MEGF6: variants seen among roughly 807,000 people sequenced by gnomAD.
The protein encoded by MEGF6 is multiple EGF like domains 6.
A neutral mutation model predicts 207.1 loss-of-function variants in MEGF6; 184 were observed. The ratio of observed to expected loss-of-function variants is 0.89; its 90% CI spans 0.79 to 1.00. The LOEUF (loss-of-function observed/expected upper bound fraction) is 1.00. Among genes scored for constraint, MEGF6 ranks in the 50% least tolerant of loss-of-function variants. The probability of loss-of-function intolerance (pLI) is 0.00; values close to 1 mark genes in which losing one functional copy is unlikely to be tolerated. For missense variants in MEGF6, 2,282 were observed against 2,202.9 expected, an observed-to-expected ratio of 1.04 and a Z score of -0.72; for synonymous variants, 1,038 against 910.0, an observed-to-expected ratio of 1.14 and a Z score of -2.53.
At chr1:3,591,743 G>A (rs61762204) in intron 3 of MEGF6, among the ~76,000 whole-genome samples, 14 of 143,566 alleles carry the variant, frequency 9.8e-5, no homozygotes, top group East Asian at 2.2e-4. Context: ...TGGGGGCGCC[G>A]GCAAGGGGGC....
chr1:3,547,391 T>C (rs1234262751), intron 4 of MEGF6, among the ~76,000 whole-genome samples: 2 of 152,142 alleles, frequency 1.3e-5, no homozygotes, highest in Admixed American at 1.3e-4. Flanking sequence ...GGAGCAACAT[T>C]TGGGTATAGC....
chr1:3,514,890 A>G (rs965410941), intron 6 of MEGF6, among the ~76,000 whole-genome samples: 1 of 152,158 alleles, frequency 6.6e-6, no homozygotes, highest in Non-Finnish European at 1.5e-5. Context: ...CAGCCAGCCC[A>G]GGTCAGGCAG....
In MEGF6 at chr1:3,498,435, C is replaced by T. The variant is rs572746696; in HGVS notation, c.3288G>A (p.Leu1096=). 3.8e-6 allele frequency: 6 copies of T among 1,581,916 alleles called. No individual in the cohort carries two copies. The highest frequency in any genetic ancestry group is 1.7e-5 in the Admixed American group (1 of 57,594). Residue 1096 remains leucine (L), a synonymous_variant, in exon 26 of 37, where the codon CTG becomes CTA. Transcript: ENST00000356575. ...GGCAGCGGCCCGTGTGCGGGTCACA[C>T]AGGCCCCCGTTGAGGCAACCGCCGC... ...RHSGGCLNGG[L]CDPHTGRCLC... is the part of the protein sequence containing the mutation.
chr1:3,553,784 C>G (rs1420469305), intron 4 of MEGF6, among the ~76,000 whole-genome samples: 1 of 152,184 alleles, frequency 6.6e-6, no homozygotes, highest in Non-Finnish European at 1.5e-5. Context: ...TCACAGGGGG[C>G]CCTGCACTGG....
chr1:3,611,079 TC>T, intron 1 of MEGF6, 58 bp downstream of exon 1: 1 of 1,413,920 alleles, frequency 7.1e-7, no homozygotes, highest in Non-Finnish European at 9.2e-7. Flanking sequence ...ACCACGGGCC[TC>T]CAGAGGCCCC....
chr1:3,611,622 C>A (rs1454683839), upstream of MEGF6: 2 of 158,504 alleles, frequency 1.3e-5, no homozygotes, highest in Non-Finnish European at 2.5e-5. Flanking sequence ...CCCGCCCCTT[C>A]CCCCTCCCCA....
At position 3,508,695 on chromosome 1, in the gene MEGF6, G is replaced by T; in HGVS notation, c.1529-6C>A. On this transcript the variant is annotated splice_polypyrimidine_tract_variant and splice_region_variant and intron_variant, in intron 12 of 36. Coordinates refer to ENST00000356575, the MANE Select transcript of MEGF6 (RefSeq NM_001409.4). ...AAAGGAGTCATCCAGGCAGACTGGGGGCAGACCAGGATGGGGGGATTCAGA... is the reference window on the plus strand; with the variant it reads ...AAAGGAGTCATCCAGGCAGACTGGGTGCAGACCAGGATGGGGGGATTCAGA... The T allele has an allele frequency of 6.2e-7, 1 of 1,612,788 alleles. No individual in the cohort carries two copies. Among genetic ancestry groups the T allele is most frequent in the Non-Finnish European group, 8.5e-7 (1 of 1,179,724 alleles).
chr1:3,542,394 G>A (rs940846250), intron 4 of MEGF6, among the ~76,000 whole-genome samples: 3 of 152,344 alleles, frequency 2.0e-5, no homozygotes, highest in African/African-American at 4.8e-5. Flanking sequence ...ACTCCAACCC[G>A]GCTGGCAGTG....
At chr1:3,585,632 TGG>T in intron 3 of MEGF6, among the ~76,000 whole-genome samples, 1 of 142,418 alleles carries the variant, frequency 7.0e-6, no homozygotes, top group African/African-American at 2.7e-5. Flanking sequence ...GTCCTGTGTG[TGG>T]GTGTGTGGAC....
At chr1:3,575,140 A>G (rs1003248236) in intron 4 of MEGF6, among the ~76,000 whole-genome samples, 2 of 152,178 alleles carry the variant, frequency 1.3e-5, no homozygotes, top group Admixed American at 6.5e-5. Context: ...TGGTCTTTTC[A>G]TTACCAATTC....
chr1:3,496,075 A>G, intron 29 of MEGF6, 57 bp from the exon 30 acceptor site: 1 of 1,461,052 alleles, frequency 6.8e-7, no homozygotes, highest in South Asian at 1.4e-5. Flanking sequence ...TGCCCGGTCA[A>G]CCCCGGAGTG....
chr1:3,564,886 G>A (rs1036221221), intron 4 of MEGF6, among the ~76,000 whole-genome samples: 2 of 152,058 alleles, frequency 1.3e-5, no homozygotes, highest in Non-Finnish European at 1.5e-5. Context: ...CCACGGTCCC[G>A]CTCTGGCCGA....
intron 5 of MEGF6, among the ~76,000 whole-genome samples, chr1:3,518,876 C>A (rs1048935956): frequency 6.6e-6 from 1 of 152,204 alleles, no homozygotes; most frequent in African/African-American, 2.4e-5. Context: ...CCCCTCCAGG[C>A]GGGCCTGCCC....
Position 3,504,075 on chromosome 1 carries a change from G to A in MEGF6, c.2188+1133C>T, listed in dbSNP as rs189220436. Among the ~76,000 whole-genome samples the A allele has an allele frequency of 7.0e-4, 106 of 152,212 alleles. 1 individual carries two copies. The highest frequency in any genetic ancestry group is 2.5e-3 in the African/African-American group (103 of 41,532). The stretch of plus-strand genomic sequence containing the variant: ...GGAGGGGAAGGGCCCATGCTGGGGG[G>A]GCTTGAGTCCAGAGAGCCCCCTGGT... On this transcript the variant is annotated intron_variant, in intron 17 of 36. Coordinates refer to ENST00000356575, the MANE Select transcript of MEGF6 (RefSeq NM_001409.4).
chr1:3,607,206 G>T (rs1644262016), intron 1 of MEGF6, among the ~76,000 whole-genome samples: 2 of 150,966 alleles, frequency 1.3e-5, no homozygotes, highest in African/African-American at 4.9e-5. Context: ...AATGCTGAAG[G>T]ACTCACCGAG....
At position 3,583,429 on chromosome 1, in the gene MEGF6, CGCACAG is replaced by C. The variant is rs1557794865; in HGVS notation, c.377-3506_377-3501del. ...CAGACAACCCGCAGCCACCAGACAA[CGCACAG>C]CCACCAGACAACGCGCAGCCACCAG... On this transcript the variant is annotated intron_variant, in intron 3 of 36. Transcript: ENST00000356575. Among the ~76,000 whole-genome samples, 13 of 72,162 alleles carry C rather than the reference CGCACAG, an allele frequency of 1.8e-4. 4 individuals carry two copies. The highest frequency in any genetic ancestry group is 7.1e-4 in the South Asian group (1 of 1,414). The allele number at this position is 72,162 out of a possible 152,430, so 47.3% of individuals were successfully genotyped here.
chr1:3,595,281 G>T, intron 3 of MEGF6, 57 bp downstream of exon 3: 1 of 1,281,448 alleles, frequency 7.8e-7, no homozygotes, highest in Non-Finnish European at 1.1e-6. Context: ...TCATGGCTCT[G>T]CTGAGTCCTC....
chr1:3,496,076 C>A lies in MEGF6; in HGVS notation c.3743-58G>T, dbSNP rs1006197405. On this transcript the variant is annotated intron_variant, in intron 29 of 36. Transcript: ENST00000356575. ...TTCCCTTCTCTCCCTGCCCGGTCAA[C>A]CCCGGAGTGGGGATAGGACAGGATG... The A allele has an allele frequency of 6.2e-6, 9 of 1,461,590 alleles. No individual in the cohort carries two copies. In the African/African-American group the frequency reaches 8.5e-5, roughly 14 times the overall value. 90.5% of individuals were successfully genotyped at this position (1,461,590 alleles called of 1,614,324 possible). A position where few individuals can be genotyped will look rare whatever the true frequency, so the allele number is the denominator to read the frequency against.
chr1:3,601,314 A>G (rs780508067), intron 2 of MEGF6, among the ~76,000 whole-genome samples: 1 of 152,276 alleles, frequency 6.6e-6, no homozygotes, highest in East Asian at 1.9e-4. Context: ...AAATTCCCGC[A>G]GGGAAATCCA....
Sources: gnomAD v4.1 joint callset for allele counts (sites outside exome capture counted in the v4.1 genomes callset) on GRCh38, gnomAD v4.1.1 for gene constraint, MANE v1.5 for transcripts, NCBI Gene and HGNC (gene_info 2026-07-23, HGNC 2026-07-21) for gene names.